Variants in SGCD observed in about 807,000 individuals in gnomAD.
SGCD encodes sarcoglycan delta, also known as delta-sarcoglycan.
In SGCD, 18 loss-of-function variants were observed where a neutral mutation model predicts 36.6. The ratio of observed to expected loss-of-function variants is 0.49; its 90% confidence interval spans 0.34 to 0.73. The LOEUF (loss-of-function observed/expected upper bound fraction) is 0.73, where lower values mean the gene tolerates loss of function less well. Ranked by LOEUF, SGCD falls within the 30% of genes least tolerant of loss-of-function variation. The pLI is 0.01. For missense variants in SGCD, 387 were observed against 346.7 expected (o/e 1.12, Z -0.92); for synonymous variants, 133 against 130.6 (o/e 1.02, Z -0.12).
chr5:155,942,498 C>T (rs895114833), intron 1 of SGCD, among the ~76,000 whole-genome samples: 2 of 152,064 alleles, frequency 1.3e-5, no homozygotes, highest in African/African-American at 4.8e-5. Flanking sequence ...GAAAGGACAG[C>T]ACAGTAGTGG....
intron 3 of SGCD, among the ~76,000 whole-genome samples, chr5:156,159,583 A>C (rs1457433364): frequency 6.6e-6 from 1 of 151,686 alleles, no homozygotes; most frequent in African/African-American, 2.4e-5. Context: ...GGATATTTAA[A>C]TACTGTTTAT....
chr5:155,863,926 C>G, the SGCD span, among the ~76,000 whole-genome samples: 1 of 152,048 alleles, frequency 6.6e-6, no homozygotes, highest in Non-Finnish European at 1.5e-5. Context: ...ATGGAAACTG[C>G]ATTTCAGTAG....
intron 1 of SGCD, among the ~76,000 whole-genome samples, chr5:155,955,555 G>C (rs555800478): frequency 1.6e-4 from 24 of 152,144 alleles, no homozygotes; most frequent in African/African-American, 5.8e-4. Flanking sequence ...TTTTCTTTGT[G>C]AAAAATAATT....
chr5:156,402,837 T>TGCGGTCACCATGGTTACC (rs1349854868), intron 3 of SGCD, among the ~76,000 whole-genome samples: 2 of 152,196 alleles, frequency 1.3e-5, no homozygotes, highest in Non-Finnish European at 1.5e-5. Flanking sequence ...TTTGTGTTGA[T>TGCGGTCACCATGGTTACC]GCGGTCACCA....
intron 5 of SGCD, among the ~76,000 whole-genome samples, chr5:156,592,349 AAAGT>A (rs1387834895): frequency 1.3e-5 from 2 of 152,150 alleles, no homozygotes; most frequent in Non-Finnish European, 2.9e-5. Context: ...TCACAAAAAT[AAAGT>A]AATAACCCTA....
chr5:156,103,953 G>A (rs1250307627), intron 1 of SGCD, among the ~76,000 whole-genome samples: 3 of 152,124 alleles, frequency 2.0e-5, no homozygotes, highest in African/African-American at 7.2e-5. Context: ...TATTTAAAGT[G>A]TGCATGCAGA....
chr5:156,737,044 GCTGGACCAAAGATAGAAGT>G, intron 7 of SGCD, among the ~76,000 whole-genome samples: 1 of 152,198 alleles, frequency 6.6e-6, no homozygotes, highest in South Asian at 2.1e-4. Context: ...TTATTTAATG[GCTGGACCAAAGATAGAAGT>G]TTTTCAATTT....
chr5:156,312,710 G>T (rs534903665), intron 3 of SGCD, among the ~76,000 whole-genome samples: 8 of 151,984 alleles, frequency 5.3e-5, no homozygotes, highest in Non-Finnish European at 8.8e-5. Flanking sequence ...TTATAAAATG[G>T]GGATAATTCT....
chr5:155,747,385 G>A, the SGCD span, among the ~76,000 whole-genome samples: 1 of 152,184 alleles, frequency 6.6e-6, no homozygotes, highest in African/African-American at 2.4e-5. Flanking sequence ...TTCAGAAGGA[G>A]TGTCACCGAT....
At chr5:156,702,165 C>A (rs1328405388) in intron 7 of SGCD, among the ~76,000 whole-genome samples, 1 of 152,128 alleles carries the variant, frequency 6.6e-6, no homozygotes, top group Non-Finnish European at 1.5e-5. Context: ...GCTGGTATTA[C>A]AGGATGCAAT....
At chr5:156,241,509 G>T (rs1322745213) in intron 3 of SGCD, among the ~76,000 whole-genome samples, 1 of 152,148 alleles carries the variant, frequency 6.6e-6, no homozygotes, top group African/African-American at 2.4e-5. Flanking sequence ...ATGATGTATA[G>T]ACAGGGAGAA....
At chr5:155,847,641 A>T in the SGCD span, among the ~76,000 whole-genome samples, 2 of 152,142 alleles carry the variant, frequency 1.3e-5, no homozygotes, top group Admixed American at 1.3e-4. Flanking sequence ...GCCAGTGTGT[A>T]AGAAGTCCAC....
chr5:155,828,982 C>CTAT, the SGCD span, among the ~76,000 whole-genome samples: 158 of 151,842 alleles, frequency 1.0e-3, no homozygotes, highest in African/African-American at 2.8e-3. Flanking sequence ...ATCACTTCTA[C>CTAT]TATTATTATT....
intron 2 of SGCD, among the ~76,000 whole-genome samples, chr5:156,339,175 T>C (rs1333001468): frequency 6.6e-6 from 1 of 152,226 alleles, no homozygotes; most frequent in African/African-American, 2.4e-5. Flanking sequence ...TTGTCTTGTC[T>C]TTTGGTAGTT....
chr5:156,073,584 C>T (rs1760662569), intron 1 of SGCD, among the ~76,000 whole-genome samples: 1 of 152,120 alleles, frequency 6.6e-6, no homozygotes, highest in Admixed American at 6.5e-5. Flanking sequence ...ATAAATATGT[C>T]ACACTATCTC....
At chr5:156,103,598 A>G (rs910575667) in intron 1 of SGCD, among the ~76,000 whole-genome samples, 1 of 152,134 alleles carries the variant, frequency 6.6e-6, no homozygotes, top group Non-Finnish European at 1.5e-5. Flanking sequence ...CATTGAATTT[A>G]AAAGAATCAA....
intron 1 of SGCD, among the ~76,000 whole-genome samples, chr5:156,052,323 C>G (rs968520677): frequency 6.8e-6 from 1 of 146,022 alleles, no homozygotes; most frequent in African/African-American, 2.5e-5. Context: ...AGGACAGAAG[C>G]CATTGTGGCT....
chr5:156,754,724 C>A (rs543363910), intron 7 of SGCD, among the ~76,000 whole-genome samples: 3 of 152,260 alleles, frequency 2.0e-5, no homozygotes, highest in South Asian at 4.1e-4. Context: ...ATAATCAGGA[C>A]TATAGAAACA....
chr5:155,822,816 A>T, the SGCD span, among the ~76,000 whole-genome samples: 17 of 152,194 alleles, frequency 1.1e-4, no homozygotes, highest in Admixed American at 9.8e-4. Flanking sequence ...GTTTCATCAT[A>T]TCCACAGGCA....
Sources: allele counts gnomAD v4.1 joint callset (sites outside exome capture counted in the v4.1 genomes callset), GRCh38; gene constraint gnomAD v4.1.1; transcripts MANE v1.5; gene names NCBI Gene and HGNC (gene_info 2026-07-23, HGNC 2026-07-21).